The following GORASP2 variants were observed in gnomAD, a reference collection of about 807,000 sequenced individuals.
GORASP2 encodes golgi reassembly stacking protein 2.
Under a neutral mutation model 45.7 loss-of-function variants are expected in GORASP2, and 22 were observed. The ratio of observed to expected loss-of-function variants is 0.48; its 90% CI spans 0.34 to 0.69. The LOEUF (loss-of-function observed/expected upper bound fraction) is 0.69, where lower values mean the gene tolerates loss of function less well. Ranked by LOEUF, GORASP2 falls within the 30% of genes least tolerant of loss-of-function variation. The probability of loss-of-function intolerance (pLI) is 0.01; values close to 1 mark genes in which losing one functional copy is unlikely to be tolerated. For missense variants in GORASP2, 491 were observed against 562.7 expected (o/e 0.87, Z 1.29); for synonymous variants, 221 against 215.6 (o/e 1.02, Z -0.22).
intron 8 of GORASP2, among the ~76,000 whole-genome samples, chr2:170,962,492 GAA>G (rs1428982356): frequency 6.6e-6 from 1 of 152,114 alleles, no homozygotes; most frequent in Non-Finnish European, 1.5e-5. Context: ...AACCATCAAA[GAA>G]AAATTCAGTT....
rs1704686331 is a variant in GORASP2 at position 170,966,239 on chromosome 2, C to CCTA, written c.*111_*112insACT. On this transcript the variant is annotated 3_prime_UTR_variant, in exon 10 of 10. Coordinates refer to ENST00000234160, the MANE Select transcript of GORASP2 (RefSeq NM_015530.5). ...TAGTTTGTACCGTATCTGTAGGCAT[C>CCTA]CTGTAAATAATTCCAAGGGGAAAAC... 2 of 788,922 alleles carry CCTA rather than the reference C, an allele frequency of 2.5e-6. No individual in the cohort carries two copies. The highest frequency in any genetic ancestry group is 1.7e-5 in the African/African-American group (1 of 58,870). 48.9% of individuals were successfully genotyped at this position (788,922 alleles called of 1,614,324 possible).
In GORASP2 at chr2:170,951,655, A is replaced by G. The variant is rs1575475712; in HGVS notation, c.566+197A>G. On this transcript the variant is annotated intron_variant, in intron 5 of 9. Transcript: ENST00000234160. ...ATCTAGGGAACATAGTATATATACT[A>G]TAGTCCTTTTCTTTACTAACCTAAG... is the stretch of plus-strand genomic sequence containing the variant. 11 of 358,972 alleles carry G rather than the reference A, an allele frequency of 3.1e-5. No individual in the cohort carries two copies. The East Asian group carries it at 4.9e-4, about 16-fold the overall frequency. 22.2% of individuals were successfully genotyped at this position (358,972 alleles called of 1,614,324 possible).
Position 170,963,648 on chromosome 2 carries a change from T to C in GORASP2, c.1018+702T>C, listed in dbSNP as rs1417027282. Among the ~76,000 whole-genome samples the C allele has an allele frequency of 3.3e-5, 5 of 152,032 alleles. No homozygotes were observed. The East Asian group carries it at 9.6e-4, about 29-fold the overall frequency. On this transcript the variant is annotated intron_variant, in intron 9 of 9. Coordinates refer to ENST00000234160, the MANE Select transcript of GORASP2 (RefSeq NM_015530.5). Reference sequence around the variant, plus strand: ...GGCTGGGCTTGTATTTTTTGTTTTGTTTAGTTTTTTTGAGACAGAGTCTTG... The same window carrying C: ...GGCTGGGCTTGTATTTTTTGTTTTGCTTAGTTTTTTTGAGACAGAGTCTTG...
chr2:170,954,589 AC>A, intron 5 of GORASP2, 60 bp from the exon 6 acceptor site: 2 of 1,484,700 alleles, frequency 1.3e-6, no homozygotes, highest in Non-Finnish European at 1.8e-6. Context: ...CCCAAAAAAA[AC>A]ACCTCAAAGA....
Position 170,929,889 on chromosome 2 carries a change from G to T in GORASP2, c.63+486G>T, listed in dbSNP as rs751595261. ...GTGTTAAATCACCTCGGCGCCGGCC[G>T]AGTGGCCTGAAAGACCAGCAGGGCA... On this transcript the variant is annotated intron_variant, in intron 1 of 9. Transcript: ENST00000234160. 11 of 409,508 alleles carry T rather than the reference G, an allele frequency of 2.7e-5. 1 individual carries two copies. The highest frequency in any genetic ancestry group is 1.5e-4 in the South Asian group (9 of 59,742). The allele number at this position is 409,508 out of a possible 1,614,324, so 25.4% of individuals were successfully genotyped here.
intron 7 of GORASP2, among the ~76,000 whole-genome samples, chr2:170,959,681 A>G (rs1451586164): frequency 6.6e-6 from 1 of 152,228 alleles, no homozygotes; most frequent in Non-Finnish European, 1.5e-5. Context: ...AAAAGTAACT[A>G]TAGAGAAATA....
intron 1 of GORASP2, among the ~76,000 whole-genome samples, chr2:170,938,511 G>C (rs1409640853): frequency 6.6e-6 from 1 of 152,196 alleles, no homozygotes; most frequent in Non-Finnish European, 1.5e-5. Flanking sequence ...GGGAGTGCCA[G>C]TATCCTTTTC....
chr2:170,947,517 A>T (rs1303150098), intron 1 of GORASP2, among the ~76,000 whole-genome samples: 1 of 152,152 alleles, frequency 6.6e-6, no homozygotes, highest in Non-Finnish European at 1.5e-5. Flanking sequence ...CCTTATACCA[A>T]ATAGCCTTTA....
chr2:170,929,370 G>A lies in GORASP2; in HGVS notation c.30G>A (p.Pro10=), dbSNP rs1342112786. The change falls in exon 1 of 10, where the codon CCG becomes CCA. Residue 10 remains proline (P), a synonymous_variant. Transcript: ENST00000234160. ...GCTCCTCGCAAAGCGTCGAGATCCC[G>A]GGCGGGGGCACCGAGGGCTACCACG... MGSSQSVEI[P]GGGTEGYHVL... is the part of the protein sequence containing the mutation. 4 of 1,412,850 alleles carry A rather than the reference G, an allele frequency of 2.8e-6. No individual in the cohort carries two copies. Among genetic ancestry groups the A allele is most frequent in the Admixed American group, 2.8e-5 (1 of 36,202 alleles). The allele number at this position is 1,412,850 out of a possible 1,614,324, so 87.5% of individuals were successfully genotyped here.
At position 170,929,288 on chromosome 2, in the gene GORASP2, T is replaced by C; in HGVS notation, c.-53T>C. On this transcript the variant is annotated 5_prime_UTR_variant, in exon 1 of 10. Transcript: ENST00000234160. ...CGGAGGATTAGAGCAGGCGGTGCGC[T>C]GGGGGCGGGAGCAGCGCGGAGCCCG... 2.3e-6 allele frequency: 3 copies of C among 1,297,686 alleles called. No homozygotes were observed. Among genetic ancestry groups the C allele is most frequent in the Non-Finnish European group, 3.0e-6 (3 of 1,012,860 alleles). 80.4% of individuals were successfully genotyped at this position (1,297,686 alleles called of 1,614,324 possible).
At chr2:170,962,601 T>C (rs750847051) in intron 8 of GORASP2, among the ~76,000 whole-genome samples, 2 of 152,224 alleles carry the variant, frequency 1.3e-5, no homozygotes, top group Admixed American at 1.3e-4. Flanking sequence ...GTATTAGTTA[T>C]TTATTTTCAT....
chr2:170,951,195 T>C, intron 4 of GORASP2, 133 bp from the exon 5 acceptor site: 1 of 634,546 alleles, frequency 1.6e-6, no homozygotes, highest in Non-Finnish European at 2.7e-6. Flanking sequence ...GCTTGTGATT[T>C]TTATGTCTGG....
chr2:170,951,206 G>T, intron 4 of GORASP2, 122 bp from the exon 5 acceptor site: 2 of 674,394 alleles, frequency 3.0e-6, no homozygotes, highest in South Asian at 2.3e-5. Context: ...TTATGTCTGG[G>T]GCAGGGCCCA....
chr2:170,966,941 A>G lies in GORASP2; in HGVS notation c.*811A>G, dbSNP rs1341300011. On this transcript the variant is annotated 3_prime_UTR_variant, in exon 10 of 10. Coordinates refer to ENST00000234160, the MANE Select transcript of GORASP2 (RefSeq NM_015530.5). Reference sequence around the variant, plus strand: ...ACTTTTTTTCTTGTGTTACATCTAAATTACAACCCTTAATTGCCACGTGTG... The same window carrying G: ...ACTTTTTTTCTTGTGTTACATCTAAGTTACAACCCTTAATTGCCACGTGTG... 6.6e-6 allele frequency: 1 copy of G among 152,184 alleles called. No homozygotes were observed. Among genetic ancestry groups the G allele is most frequent in the African/African-American group, 2.4e-5 (1 of 41,424 alleles). 9.4% of individuals were successfully genotyped at this position (152,184 alleles called of 1,614,324 possible). A position where few individuals can be genotyped will look rare whatever the true frequency, so the allele number is the denominator to read the frequency against.
chr2:170,950,748 G>A (rs911591440), intron 4 of GORASP2, among the ~76,000 whole-genome samples: 13 of 152,190 alleles, frequency 8.5e-5, no homozygotes, highest in African/African-American at 2.9e-4. Flanking sequence ...TTGGGAGGCC[G>A]AGATGGGAGA....
intron 7 of GORASP2, among the ~76,000 whole-genome samples, chr2:170,959,601 T>G (rs1704505168): frequency 6.6e-6 from 1 of 152,226 alleles, no homozygotes; most frequent in Non-Finnish European, 1.5e-5. Flanking sequence ...TTCATTATAT[T>G]GCTTGCAAAG....
chr2:170,959,370 T>A (rs2105327616), intron 7 of GORASP2, among the ~76,000 whole-genome samples: 1 of 152,360 alleles, frequency 6.6e-6, no homozygotes, highest in South Asian at 2.1e-4. Flanking sequence ...ACTTGTATTG[T>A]CTGATAAACA....
intron 1 of GORASP2, among the ~76,000 whole-genome samples, chr2:170,931,938 G>T (rs1424171777): frequency 6.6e-6 from 1 of 152,206 alleles, no homozygotes; most frequent in Non-Finnish European, 1.5e-5. Flanking sequence ...TTATAAAAAA[G>T]TCTCTTTGGC....
At chr2:170,935,066 C>T (rs1703916729) in intron 1 of GORASP2, among the ~76,000 whole-genome samples, 2 of 152,212 alleles carry the variant, frequency 1.3e-5, no homozygotes, top group South Asian at 4.1e-4. Flanking sequence ...ATAAAAGGCC[C>T]AGAAGTTGTT....
Sources: allele counts gnomAD v4.1 joint callset (sites outside exome capture counted in the v4.1 genomes callset), GRCh38; gene constraint gnomAD v4.1.1; transcripts MANE v1.5; gene names NCBI Gene and HGNC (gene_info 2026-07-23, HGNC 2026-07-21).